The following SAMD12 variants were observed in gnomAD, a reference collection of about 807,000 sequenced individuals.
SAMD12 encodes the protein sterile alpha motif domain-containing protein 12.
Under a neutral mutation model 15.0 loss-of-function variants are expected in SAMD12, and 9 were observed. That is an observed-to-expected ratio of 0.60 (90% CI 0.36 to 1.05). The LOEUF (loss-of-function observed/expected upper bound fraction) is 1.05, where lower values mean the gene tolerates loss of function less well. Among genes scored for constraint, SAMD12 ranks in the 50% least tolerant of loss-of-function variants. SAMD12 has a pLI of 0.01. For synonymous variants in SAMD12, 86 were observed against 90.1 expected (o/e 0.96, Z 0.25); for missense variants, 230 against 234.2 (o/e 0.98, Z 0.12).
chr8:118,354,687 G>A (rs1468595805), intron 4 of SAMD12, among the ~76,000 whole-genome samples: 1 of 152,206 alleles, frequency 6.6e-6, no homozygotes, highest in African/African-American at 2.4e-5. Flanking sequence ...GCTGAACAGT[G>A]CAGAACTAGA....
chr8:118,470,817 C>A (rs1026790381), intron 2 of SAMD12, among the ~76,000 whole-genome samples: 2 of 152,146 alleles, frequency 1.3e-5, no homozygotes, highest in Admixed American at 1.3e-4. Context: ...CTAAAGAGTT[C>A]TTGTAGTCTT....
At chr8:118,420,072 C>T (rs1821926350) in intron 3 of SAMD12, among the ~76,000 whole-genome samples, 1 of 152,214 alleles carries the variant, frequency 6.6e-6, no homozygotes, top group Non-Finnish European at 1.5e-5. Flanking sequence ...AGGACAGTGA[C>T]AGGGCCTTGG....
At chr8:118,137,938 T>TC in the SAMD12 span, among the ~76,000 whole-genome samples, 1 of 151,764 alleles carries the variant, frequency 6.6e-6, no homozygotes, top group Admixed American at 6.6e-5. Flanking sequence ...TTTTTTTTTT[T>TC]ACTTATGAGC....
At chr8:118,614,213 A>G (rs1301843281) in intron 1 of SAMD12, among the ~76,000 whole-genome samples, 1 of 152,200 alleles carries the variant, frequency 6.6e-6, no homozygotes, top group Non-Finnish European at 1.5e-5. Flanking sequence ...CATCTTGTCT[A>G]ACATCTTACT....
At chr8:118,353,869 G>T (rs1482984279) in intron 4 of SAMD12, among the ~76,000 whole-genome samples, 2 of 152,208 alleles carry the variant, frequency 1.3e-5, no homozygotes, top group South Asian at 4.2e-4. Flanking sequence ...GGCAGGAGGT[G>T]AGAGGTGAGG....
intron 2 of SAMD12, among the ~76,000 whole-genome samples, chr8:118,519,839 C>T (rs950549782): frequency 6.6e-6 from 1 of 152,194 alleles, no homozygotes; most frequent in Non-Finnish European, 1.5e-5. Flanking sequence ...AATGACTTAA[C>T]ATCTAGTCTG....
intron 4 of SAMD12, among the ~76,000 whole-genome samples, chr8:118,249,474 A>G (rs528135091): frequency 6.6e-6 from 1 of 152,256 alleles, no homozygotes; most frequent in East Asian, 1.9e-4. Flanking sequence ...TTTTTCCCAA[A>G]TATTTTTGAT....
chr8:118,200,403 C>CAAAAA (rs35465667), intron 4 of SAMD12, among the ~76,000 whole-genome samples: 12 of 114,214 alleles, frequency 1.1e-4, no homozygotes, highest in African/African-American at 2.7e-4. Flanking sequence ...ATTAGAGTAC[C>CAAAAA]AAAAAAAAAA....
the SAMD12 span, among the ~76,000 whole-genome samples, chr8:118,164,555 T>A: frequency 6.6e-6 from 1 of 152,126 alleles, no homozygotes; most frequent in Admixed American, 6.5e-5. Context: ...TTATTATTTT[T>A]TTATTTTTAT....
At chr8:118,275,996 G>T (rs1392924809) in intron 4 of SAMD12, among the ~76,000 whole-genome samples, 6 of 152,126 alleles carry the variant, frequency 3.9e-5, no homozygotes, top group Non-Finnish European at 7.3e-5. Context: ...CTTCACTATT[G>T]TAAGTAGTGC....
At chr8:118,384,561 G>A (rs1178699772) in intron 3 of SAMD12, among the ~76,000 whole-genome samples, 1 of 152,156 alleles carries the variant, frequency 6.6e-6, no homozygotes, top group African/African-American at 2.4e-5. Context: ...AGACATCAGA[G>A]ATGACTCACA....
chr8:118,201,455 TAC>T (rs1819711820), intron 4 of SAMD12, among the ~76,000 whole-genome samples: 1 of 152,184 alleles, frequency 6.6e-6, no homozygotes, highest in African/African-American at 2.4e-5. Context: ...CTCAAATTTT[TAC>T]CAAAAAACCC....
At chr8:118,616,949 G>C (rs1828254164) in intron 1 of SAMD12, among the ~76,000 whole-genome samples, 1 of 152,200 alleles carries the variant, frequency 6.6e-6, no homozygotes, top group African/African-American at 2.4e-5. Context: ...CTGATGATCT[G>C]AGGTGGAACA....
rs552315010 is a variant in SAMD12, at chr8:118,580,187, A to G, written c.192+528T>C. On this transcript the variant is annotated intron_variant, in intron 2 of 3. Transcript: ENST00000314727. ...TCAATAGATCAAGAGTCCTTCAAAC[A>G]GTACCTGGGAGATACATGCATATTT... is the stretch of plus-strand genomic sequence containing the variant. Among the ~76,000 whole-genome samples, 5 of 152,320 alleles carry G rather than the reference A, an allele frequency of 3.3e-5. No individual in the cohort carries two copies. In the East Asian group the frequency reaches 9.6e-4, roughly 29 times the overall value.
intron 2 of SAMD12, among the ~76,000 whole-genome samples, chr8:118,511,661 A>C (rs1329488518): frequency 1.3e-5 from 2 of 152,212 alleles, no homozygotes; most frequent in Admixed American, 1.3e-4. Flanking sequence ...GTAAAAGACC[A>C]TTAAAAATAT....
intron 2 of SAMD12, among the ~76,000 whole-genome samples, chr8:118,474,899 T>A (rs1333281519): frequency 6.6e-6 from 1 of 152,188 alleles, no homozygotes; most frequent in African/African-American, 2.4e-5. Flanking sequence ...TTTGCAGTAA[T>A]GAGTGAGTTC....
intron 4 of SAMD12, among the ~76,000 whole-genome samples, chr8:118,301,155 A>G (rs1815003534): frequency 2.0e-5 from 3 of 152,158 alleles, no homozygotes. Flanking sequence ...ACTATATAAA[A>G]ACCTTAAGGA....
intron 4 of SAMD12, among the ~76,000 whole-genome samples, chr8:118,313,946 T>C (rs368129084): frequency 1.3e-5 from 2 of 152,020 alleles, no homozygotes; most frequent in Admixed American, 1.3e-4. Context: ...CTCATGCTGA[T>C]GAATAATTCT....
chr8:118,472,576 G>A (rs113886975), intron 2 of SAMD12, among the ~76,000 whole-genome samples: 4,869 of 152,198 alleles, frequency 0.032, 261 homozygotes, highest in African/African-American at 0.11. Flanking sequence ...TTGGGAGGCT[G>A]AGGTGGGAGG....
Sources: gnomAD v4.1 joint callset for allele counts (sites outside exome capture counted in the v4.1 genomes callset) on GRCh38, gnomAD v4.1.1 for gene constraint, MANE v1.5 for transcripts, NCBI Gene and HGNC (gene_info 2026-07-23, HGNC 2026-07-21) for gene names.